Variants in PRELID2 observed in about 807,000 individuals in gnomAD.
PRELID2 encodes PRELI domain containing 2.
In PRELID2, 25 loss-of-function variants were observed where a neutral mutation model predicts 28.4. That is an observed-to-expected ratio of 0.88 (90% CI 0.64 to 1.23). PRELID2 has a LOEUF of 1.23. PRELID2 is among the 50% of genes most tolerant of loss of function. PRELID2 has a pLI of 0.00. For synonymous variants in PRELID2, 76 were observed against 71.6 expected, an observed-to-expected ratio of 1.06 and a Z score of -0.31; for missense variants, 201 against 214.4, an observed-to-expected ratio of 0.94 and a Z score of 0.39.
chr5:145,535,203 G>A (rs1176680182), intron 1 of PRELID2, among the ~76,000 whole-genome samples: 1 of 151,772 alleles, frequency 6.6e-6, no homozygotes, highest in South Asian at 2.1e-4. Flanking sequence ...TCATTTAAAT[G>A]GCTCTCTATG....
chr5:145,808,741 C>G (rs998943293), intron 4 of PRELID2, among the ~76,000 whole-genome samples: 2 of 151,908 alleles, frequency 1.3e-5, no homozygotes, highest in African/African-American at 4.8e-5. Flanking sequence ...AAAAAATTAG[C>G]CAGGCATGGT....
At chr5:145,707,903 T>G (rs559363671) in intron 1 of PRELID2, among the ~76,000 whole-genome samples, 1 of 152,272 alleles carries the variant, frequency 6.6e-6, no homozygotes, top group East Asian at 1.9e-4. Flanking sequence ...CCCAGCATGC[T>G]GCGTGACCTC....
In PRELID2 at chr5:145,788,764, A is replaced by G. The variant is rs1015038240; in HGVS notation, c.474+7678T>C. Among the ~76,000 whole-genome samples, 4 of 152,300 alleles carry G rather than the reference A, an allele frequency of 2.6e-5. No individual in the cohort carries two copies. The South Asian group carries it at 6.2e-4, about 24-fold the overall frequency. ...ACATGATCTTATATATATATATAAA[A>G]CCCTAAAGACTCCACCAAAAAATGG... is the stretch of plus-strand genomic sequence containing the variant. On this transcript the variant is annotated intron_variant, in intron 5 of 6. Transcript: ENST00000683046.
At chr5:145,591,438 T>C (rs1426671665) in intron 1 of PRELID2, among the ~76,000 whole-genome samples, 1 of 152,188 alleles carries the variant, frequency 6.6e-6, no homozygotes, top group East Asian at 1.9e-4. Flanking sequence ...CTTTGGAGAA[T>C]AGACCATTTC....
At chr5:145,496,287 G>A (rs1031866741) in intron 1 of PRELID2, among the ~76,000 whole-genome samples, 1 of 152,144 alleles carries the variant, frequency 6.6e-6, no homozygotes, top group Non-Finnish European at 1.5e-5. Context: ...TAGGCAGTTA[G>A]ATATCTGAAC....
At chr5:145,684,329 C>T (rs1045545812) in intron 1 of PRELID2, among the ~76,000 whole-genome samples, 1 of 152,154 alleles carries the variant, frequency 6.6e-6, no homozygotes, top group Non-Finnish European at 1.5e-5. Context: ...TCTTTGTGGA[C>T]CTCCTTCATG....
At chr5:145,734,627 T>A (rs937807239) in intron 1 of PRELID2, among the ~76,000 whole-genome samples, 8 of 152,322 alleles carry the variant, frequency 5.3e-5, no homozygotes, top group Admixed American at 2.6e-4. Flanking sequence ...TACTCACTAA[T>A]CCAGCCAGCC....
At chr5:145,421,525 G>T in the PRELID2 span, among the ~76,000 whole-genome samples, 262 of 147,094 alleles carry the variant, frequency 1.8e-3, no homozygotes, top group African/African-American at 5.9e-3. Context: ...TTGCATAGAG[G>T]TGTTTGTAGT....
chr5:145,544,121 AG>A (rs1190927532), intron 1 of PRELID2, among the ~76,000 whole-genome samples: 13 of 152,108 alleles, frequency 8.5e-5, no homozygotes, highest in Admixed American at 2.6e-4. Flanking sequence ...AAGCATCAAA[AG>A]TCACACAGTT....
At chr5:145,495,940 A>G (rs1013998108) in intron 1 of PRELID2, among the ~76,000 whole-genome samples, 3 of 152,160 alleles carry the variant, frequency 2.0e-5, no homozygotes, top group Admixed American at 2.0e-4. Context: ...TCACCGGAGA[A>G]TGAGTCAGGT....
At chr5:145,566,149 T>C (rs1329674380) in intron 1 of PRELID2, among the ~76,000 whole-genome samples, 2 of 152,358 alleles carry the variant, frequency 1.3e-5, no homozygotes, top group African/African-American at 4.8e-5. Context: ...GTTCTTGCAA[T>C]GGTGACAACT....
At chr5:145,766,540 A>G (rs1177338742) in intron 5 of PRELID2, among the ~76,000 whole-genome samples, 1 of 152,222 alleles carries the variant, frequency 6.6e-6, no homozygotes, top group African/African-American at 2.4e-5. Flanking sequence ...TTCCTTGAGG[A>G]TTCAGAAGGT....
chr5:145,617,720 T>C (rs1753718539), intron 1 of PRELID2, among the ~76,000 whole-genome samples: 1 of 149,972 alleles, frequency 6.7e-6, no homozygotes, highest in Non-Finnish European at 1.5e-5. Flanking sequence ...TGGTTGTTTT[T>C]TCTTTTCTTT....
intron 1 of PRELID2, among the ~76,000 whole-genome samples, chr5:145,726,217 A>G (rs1756146427): frequency 7.8e-6 from 1 of 128,370 alleles, no homozygotes; most frequent in Non-Finnish European, 1.6e-5. Context: ...AAGAGAGAAG[A>G]AAGGAAGGAA....
intron 1 of PRELID2, among the ~76,000 whole-genome samples, chr5:145,734,833 GACTA>G (rs770067580): frequency 1.3e-5 from 2 of 152,200 alleles, no homozygotes; most frequent in Admixed American, 6.5e-5. Context: ...GTAAATGGCA[GACTA>G]ACTAAGGAAC....
intron 1 of PRELID2, among the ~76,000 whole-genome samples, chr5:145,713,350 T>TTATATA (rs148194664): frequency 1.0e-4 from 13 of 124,714 alleles, no homozygotes; most frequent in South Asian, 5.4e-4. Flanking sequence ...ATATCTGACT[T>TTATATA]TATATATATA....
At chr5:145,517,837 T>C (rs940222845) in intron 1 of PRELID2, among the ~76,000 whole-genome samples, 6 of 152,132 alleles carry the variant, frequency 3.9e-5, no homozygotes, top group African/African-American at 1.2e-4. Context: ...TCATGTCCTT[T>C]GCAGGGACAT....
rs1752158213 is a variant in PRELID2 at position 145,481,444 on chromosome 5, AT to A, written n.71-8130del. Among the ~76,000 whole-genome samples, 10 of 151,744 alleles carry A rather than the reference AT, an allele frequency of 6.6e-5. No homozygotes were observed. The South Asian group carries it at 2.1e-3, about 32-fold the overall frequency. On this transcript the variant is annotated intron_variant and non_coding_transcript_variant, in intron 1 of 2. Transcript: ENST00000510259. ...TTTCAATCTATAGAAAAGGTCTTCA[AT>A]TTTTTTCATTTTGCCTGAAAATATT...
At chr5:145,653,647 C>A (rs1754339546) in intron 1 of PRELID2, among the ~76,000 whole-genome samples, 1 of 152,186 alleles carries the variant, frequency 6.6e-6, no homozygotes, top group Non-Finnish European at 1.5e-5. Context: ...TCCTGAATGA[C>A]CACTGGGTAC....
Sources: allele counts gnomAD v4.1 joint callset (sites outside exome capture counted in the v4.1 genomes callset), GRCh38; gene constraint gnomAD v4.1.1; transcripts MANE v1.5; gene names NCBI Gene and HGNC (gene_info 2026-07-23, HGNC 2026-07-21).